The following GBP4 variants were observed in gnomAD, a reference collection of about 807,000 sequenced individuals.
GBP4 encodes guanylate binding protein 4.
GBP4 carries 69 observed loss-of-function variants against 62.2 expected under a neutral mutation model. That is an observed-to-expected ratio of 1.11 (90% CI 0.91 to 1.36). GBP4 has a LOEUF of 1.36. GBP4 is among the 40% of genes most tolerant of loss of function. The pLI is 0.00. For synonymous variants in GBP4, 278 were observed against 274.6 expected (o/e 1.01, Z -0.12); for missense variants, 697 against 759.3 (o/e 0.92, Z 0.96).
intron 7 of GBP4, among the ~76,000 whole-genome samples, 158 bp downstream of exon 7, chr1:89,189,880 C>T (rs1160522617): frequency 2.0e-5 from 3 of 152,194 alleles, no homozygotes; most frequent in African/African-American, 7.2e-5. Flanking sequence ...TGACAATCCT[C>T]TAGAAGAAGG....
intron 7 of GBP4, among the ~76,000 whole-genome samples, chr1:89,189,395 C>T (rs1411270585): frequency 6.6e-6 from 1 of 152,192 alleles, no homozygotes; most frequent in Non-Finnish European, 1.5e-5. Context: ...TTTCAGTAAA[C>T]ATGCCTATGG....
intron 3 of GBP4, among the ~76,000 whole-genome samples, 192 bp from the exon 4 acceptor site, chr1:89,193,604 T>C (rs1273252649): frequency 1.3e-5 from 2 of 152,248 alleles, no homozygotes; most frequent in East Asian, 3.8e-4. Flanking sequence ...TATCGGTTCA[T>C]TTAGCAGAAA....
Position 89,191,446 on chromosome 1 carries a change from C to T in GBP4, c.731G>A (p.Arg244Gln), listed in dbSNP as rs138876066. ...MPRECIRHFF[R>Q]KRKCFVFDRP... ...GTCAAAGACAAAGCACTTCCGTTTT[C>T]GGAAGAAATGCCTGATACACTCTCT... is the stretch of plus-strand genomic sequence containing the variant. Residue 244 changes from arginine to glutamine, a missense_variant, in exon 6 of 11, where the codon CGA becomes CAA. By Grantham distance (43) the Arg-to-Gln change is conservative (BLOSUM62 1). Around this residue, in one of 2 missense-constraint regions of GBP4, gnomAD observed 556 missense variants for 562.7 expected, o/e 0.99. Transcript: ENST00000355754. The T allele has an allele frequency of 4.0e-5, 65 of 1,614,038 alleles. No individual in the cohort carries two copies. Among genetic ancestry groups the T allele is most frequent in the Middle Eastern group, 1.6e-4 (1 of 6,084 alleles).
At chr1:89,193,595 A>C (rs919158329) in intron 3 of GBP4, among the ~76,000 whole-genome samples, 183 bp from the exon 4 acceptor site, 1 of 152,236 alleles carries the variant, frequency 6.6e-6, no homozygotes, top group African/African-American at 2.4e-5. Context: ...TTTTCAGGCT[A>C]TCGGTTCATT....
intron 6 of GBP4, 63 bp downstream of exon 6, chr1:89,191,198 C>A: frequency 6.4e-7 from 1 of 1,569,772 alleles, no homozygotes; most frequent in South Asian, 1.2e-5. Context: ...AACTTGCAGT[C>A]ATTACAGCTT....
chr1:89,195,511 T>A (rs1648311453), intron 2 of GBP4, 87 bp from the exon 3 acceptor site: 2 of 1,503,364 alleles, frequency 1.3e-6, no homozygotes, highest in Non-Finnish European at 1.8e-6. Flanking sequence ...GTAGGAATGT[T>A]TAAGTGGCTG....
chr1:89,197,109 C>A lies in GBP4; in HGVS notation c.235+1G>T, dbSNP rs763684579. The A allele has an allele frequency of 9.9e-6, 16 of 1,609,962 alleles. No individual in the cohort carries two copies. The African/African-American group carries it at 2.1e-4, about 21-fold the overall frequency. On this transcript the variant is annotated splice_donor_variant, in intron 2 of 10. Transcript: ENST00000355754. LOFTEE classifies it high-confidence loss of function. ...GGCTCCTGTCCTAGGACCACACTCA[C>A]CATTGCGCTTTCCTGCAAGACGATT...
At chr1:89,190,989 T>G (rs988528085) in intron 6 of GBP4, among the ~76,000 whole-genome samples, 1 of 152,198 alleles carries the variant, frequency 6.6e-6, no homozygotes, top group Non-Finnish European at 1.5e-5. Flanking sequence ...ACTAATCCTA[T>G]AGGACTTTTC....
intron 4 of GBP4, 75 bp from the exon 5 acceptor site, chr1:89,193,175 A>C: frequency 6.5e-7 from 1 of 1,550,272 alleles, no homozygotes; most frequent in South Asian, 1.1e-5. Flanking sequence ...AGTTTTATAC[A>C]CGTTCCCTTT....
At chr1:89,197,070 G>A in intron 2 of GBP4, 40 bp downstream of exon 2, 1 of 1,551,198 alleles carries the variant, frequency 6.4e-7, no homozygotes, top group South Asian at 1.2e-5. Flanking sequence ...TGTTATCACT[G>A]GTTCCAAGTA....
intron 3 of GBP4, among the ~76,000 whole-genome samples, chr1:89,194,944 T>C (rs1460745303): frequency 6.6e-6 from 1 of 152,234 alleles, no homozygotes; most frequent in East Asian, 1.9e-4. Flanking sequence ...ACTTTTTGCA[T>C]CTGTGAAACC....
At chr1:89,196,445 A>G (rs1648343898) in intron 2 of GBP4, among the ~76,000 whole-genome samples, 1 of 152,190 alleles carries the variant, frequency 6.6e-6, no homozygotes, top group East Asian at 1.9e-4. Context: ...CTGAAAACAA[A>G]AACACTGGTG....
At chr1:89,192,862 C>A in intron 5 of GBP4, 42 bp downstream of exon 5, 1 of 1,579,726 alleles carries the variant, frequency 6.3e-7, no homozygotes, top group Non-Finnish European at 8.7e-7. Flanking sequence ...GTTGATCCTA[C>A]CCCCCACTGA....
intron 3 of GBP4, among the ~76,000 whole-genome samples, chr1:89,195,044 A>G (rs1648292643): frequency 6.6e-6 from 1 of 152,242 alleles, no homozygotes; most frequent in African/African-American, 2.4e-5. Context: ...TACTCAGTAC[A>G]GAGCCCTGGA....
At chr1:89,191,689 G>T (rs1486880387) in intron 5 of GBP4, among the ~76,000 whole-genome samples, 183 bp from the exon 6 acceptor site, 1 of 152,180 alleles carries the variant, frequency 6.6e-6, no homozygotes, top group Non-Finnish European at 1.5e-5. Flanking sequence ...TTTTGTACAG[G>T]AGCGAGAGTC....
intron 6 of GBP4, among the ~76,000 whole-genome samples, chr1:89,190,519 C>G (rs1648153015): frequency 6.6e-6 from 1 of 152,008 alleles, no homozygotes. Context: ...CCTATTCACT[C>G]TTTTTTATGG....
At chr1:89,189,933 TG>T in intron 7 of GBP4, 104 bp downstream of exon 7, 1 of 1,095,652 alleles carries the variant, frequency 9.1e-7, no homozygotes. Context: ...CAAGAAACCA[TG>T]GTCTTTCCAC....
At chr1:89,198,523 G>C (rs948717322) in intron 1 of GBP4, among the ~76,000 whole-genome samples, 5 of 152,012 alleles carry the variant, frequency 3.3e-5, no homozygotes, top group Non-Finnish European at 5.9e-5. Flanking sequence ...CACAGCTCTG[G>C]GAGGAAGCCC....
intron 9 of GBP4, 152 bp from the exon 10 acceptor site, chr1:89,186,678 T>A (rs1185579884): frequency 3.9e-6 from 3 of 771,326 alleles, no homozygotes; most frequent in East Asian, 2.7e-5. Context: ...TGGAAGAGAA[T>A]GTTGAATAAT....
Sources: allele counts gnomAD v4.1 joint callset (sites outside exome capture counted in the v4.1 genomes callset), GRCh38; gene constraint gnomAD v4.1.1; regional missense constraint gnomAD v4.1.1; transcripts MANE v1.5; gene names NCBI Gene and HGNC (gene_info 2026-07-23, HGNC 2026-07-21).